Variants in RIC8B observed in about 807,000 individuals in gnomAD.
RIC8B encodes chaperone Ric-8B.
A neutral mutation model predicts 57.5 loss-of-function variants in RIC8B; 16 were observed. That is an observed-to-expected ratio of 0.28 (90% CI 0.19 to 0.42). RIC8B has a LOEUF of 0.42. Ranked by LOEUF, RIC8B falls within the 10% of genes least tolerant of loss-of-function variation. The pLI, the probability that RIC8B is intolerant of heterozygous loss-of-function variation, is 1.00. For missense variants in RIC8B, 481 were observed against 677.0 expected (o/e 0.71, Z 3.21); for synonymous variants, 216 against 250.8 (o/e 0.86, Z 1.31).
chr12:106,831,623 C>A (rs545862195), intron 4 of RIC8B, among the ~76,000 whole-genome samples: 1 of 152,292 alleles, frequency 6.6e-6, no homozygotes, highest in African/African-American at 2.4e-5. Context: ...GCCATTGAAG[C>A]CTGACATCTG....
chr12:106,822,633 T>C (rs2136317409), intron 3 of RIC8B: 1 of 152,316 alleles, frequency 6.6e-6, no homozygotes, highest in Middle Eastern at 3.4e-3. Flanking sequence ...AGGATGAAAC[T>C]CTTGTGTAAT....
intron 4 of RIC8B, among the ~76,000 whole-genome samples, chr12:106,839,942 C>T (rs952835851): frequency 2.6e-5 from 4 of 152,022 alleles, no homozygotes; most frequent in African/African-American, 9.7e-5. Context: ...CATTTGAGCC[C>T]GGGAAGTCAA....
Position 106,852,860 on chromosome 12 carries a change from A to G in RIC8B, c.1306+1266A>G, listed in dbSNP as rs181144970. Among the ~76,000 whole-genome samples, 35 of 152,406 alleles carry G rather than the reference A, an allele frequency of 2.3e-4. 1 individual carries two copies. Among genetic ancestry groups the G allele is most frequent in the Non-Finnish European group, 4.7e-4 (32 of 68,044 alleles). ...TTTAGCATCTTGGAATTAAGTGGTT[A>G]GCATAGTGCCTTGCACATAGTTATC... On this transcript the variant is annotated intron_variant, in intron 7 of 9. Transcript: ENST00000392837.
intron 9 of RIC8B, among the ~76,000 whole-genome samples, chr12:106,871,686 CTTT>C (rs773297668): frequency 1.1e-4 from 17 of 152,160 alleles, no homozygotes; most frequent in Non-Finnish European, 1.6e-4. Flanking sequence ...TCACTATCTT[CTTT>C]AAGCCATCTT....
chr12:106,804,354 A>G (rs1362576364), intron 2 of RIC8B, among the ~76,000 whole-genome samples: 1 of 152,002 alleles, frequency 6.6e-6, no homozygotes, highest in East Asian at 1.9e-4. Context: ...GGCTAGGATT[A>G]CAGGCGCCCA....
intron 3 of RIC8B, among the ~76,000 whole-genome samples, chr12:106,823,839 C>G (rs2045968739): frequency 6.6e-6 from 1 of 152,096 alleles, no homozygotes; most frequent in Non-Finnish European, 1.5e-5. Flanking sequence ...GCTTGCACCA[C>G]CATGCCCAGC....
At chr12:106,859,364 C>G (rs1329734242) in intron 7 of RIC8B, among the ~76,000 whole-genome samples, 1 of 152,062 alleles carries the variant, frequency 6.6e-6, no homozygotes, top group Non-Finnish European at 1.5e-5. Context: ...TGTGTGTCTG[C>G]TCATCTTAAG....
chr12:106,867,764 TAA>T lies in RIC8B; in HGVS notation c.1452-3058_1452-3057del, dbSNP rs962241319. Among the ~76,000 whole-genome samples, 1 of 152,166 alleles carries T rather than the reference TAA, an allele frequency of 6.6e-6. No individual in the cohort carries two copies. The highest frequency in any genetic ancestry group is 2.4e-5 in the African/African-American group (1 of 41,444). On this transcript the variant is annotated intron_variant, in intron 8 of 9. Transcript: ENST00000392837. This position sits in a 1 kb window ranked among gnomAD's most constrained non-coding sequence, Gnocchi z 4.3. The stretch of plus-strand genomic sequence containing the variant: ...CCACAGCACACTGGCATTTTTCCCA[TAA>T]GAGAGTGCTACGCTATACTTCAGTG...
At chr12:106,859,596 G>A (rs558829808) in intron 7 of RIC8B, among the ~76,000 whole-genome samples, 2 of 152,200 alleles carry the variant, frequency 1.3e-5, no homozygotes, top group African/African-American at 2.4e-5. Flanking sequence ...TGTTTCTACA[G>A]ATTAGAAAAC....
intron 1 of RIC8B, among the ~76,000 whole-genome samples, chr12:106,780,232 G>A (rs1012349948): frequency 2.6e-5 from 4 of 151,836 alleles, no homozygotes; most frequent in African/African-American, 9.7e-5. Flanking sequence ...ACGTGGCTTG[G>A]TGGCCCTGCA....
At chr12:106,870,676 A>G (rs765371072) in intron 8 of RIC8B, 147 bp from the exon 9 acceptor site, 9 of 461,874 alleles carry the variant, frequency 1.9e-5, no homozygotes, top group African/African-American at 4.0e-5. Flanking sequence ...AAAAATTCCT[A>G]TATCAGTTCT....
chr12:106,854,650 A>G (rs1387074239), intron 7 of RIC8B, among the ~76,000 whole-genome samples: 3 of 152,010 alleles, frequency 2.0e-5, no homozygotes, highest in Non-Finnish European at 2.9e-5. Context: ...AATTAGCTGG[A>G]CGTGGTGGTG....
chr12:106,871,085 T>G (rs903165123), intron 9 of RIC8B, 143 bp downstream of exon 9: 1 of 663,994 alleles, frequency 1.5e-6, no homozygotes, highest in African/African-American at 1.8e-5. Context: ...GTAGTTCAGA[T>G]AGCTCTTGGC....
At chr12:106,847,755 G>A (rs1034344139) in intron 6 of RIC8B, among the ~76,000 whole-genome samples, 7 of 152,188 alleles carry the variant, frequency 4.6e-5, no homozygotes, top group African/African-American at 7.2e-5. Flanking sequence ...TAGGTGCACA[G>A]TAAGTTCTTA....
rs58690042 is a variant in RIC8B at position 106,804,511 on chromosome 12, A to G, written c.133-10185A>G. Among the ~76,000 whole-genome samples, 546 of 152,332 alleles carry G rather than the reference A, an allele frequency of 3.6e-3. 4 individuals carry two copies. The highest frequency in any genetic ancestry group is 0.013 in the African/African-American group (531 of 41,560). ...GCGTGAGCCACCATGCCTAGGCTGA[A>G]GTAGGTACTATTATACCAGTTTTAC... On this transcript the variant is annotated intron_variant, in intron 2 of 9. Transcript: ENST00000392837.
At chr12:106,828,574 G>A (rs2046215796) in intron 4 of RIC8B, among the ~76,000 whole-genome samples, 1 of 152,162 alleles carries the variant, frequency 6.6e-6, no homozygotes, top group South Asian at 2.1e-4. Flanking sequence ...GTAGCACAGT[G>A]TATGGTTGTG....
intron 7 of RIC8B, among the ~76,000 whole-genome samples, chr12:106,859,820 T>A (rs549212863): frequency 6.6e-6 from 1 of 152,190 alleles, no homozygotes; most frequent in Non-Finnish European, 1.5e-5. Flanking sequence ...TATTTCTTAC[T>A]TCCTTTTCCT....
intron 8 of RIC8B, among the ~76,000 whole-genome samples, chr12:106,863,468 T>A (rs934816131): frequency 3.9e-5 from 6 of 152,138 alleles, no homozygotes; most frequent in Non-Finnish European, 7.4e-5. Flanking sequence ...ATACTTTTTC[T>A]TTTATTTGTC....
chr12:106,832,319 G>A (rs1303628148), intron 4 of RIC8B, among the ~76,000 whole-genome samples: 2 of 152,002 alleles, frequency 1.3e-5, no homozygotes, highest in Non-Finnish European at 2.9e-5. Context: ...TGTAATCCCA[G>A]CATTTTGGGA....
Sources: gnomAD v4.1 joint callset for allele counts (sites outside exome capture counted in the v4.1 genomes callset) on GRCh38, gnomAD v4.1.1 for gene constraint, Gnocchi (gnomAD v3.1) non-coding constraint, MANE v1.5 for transcripts, NCBI Gene and HGNC (gene_info 2026-07-23, HGNC 2026-07-21) for gene names.